Variants in NRCAM observed in about 807,000 individuals in gnomAD.
The protein encoded by NRCAM is neuronal cell adhesion molecule.
A neutral mutation model predicts 156.5 loss-of-function variants in NRCAM; 83 were observed. The observed-to-expected ratio is 0.53, with a 90% confidence interval of 0.44 to 0.64. The LOEUF is 0.64. NRCAM is among the 30% of genes least tolerant of loss of function. NRCAM has a pLI of 0.00. For missense variants in NRCAM, 1,417 were observed against 1,597.3 expected, an observed-to-expected ratio of 0.89 and a Z score of 1.92; for synonymous variants, 538 against 563.9, an observed-to-expected ratio of 0.95 and a Z score of 0.65.
intron 1 of NRCAM, among the ~76,000 whole-genome samples, chr7:108,408,943 TCCA>T (rs1246935287): frequency 6.6e-6 from 1 of 152,072 alleles, no homozygotes; most frequent in Non-Finnish European, 1.5e-5. Context: ...GCCTCCTACC[TCCA>T]CAAGGCATTG....
intron 2 of NRCAM, among the ~76,000 whole-genome samples, chr7:108,336,095 C>A (rs950094951): frequency 6.6e-6 from 1 of 152,114 alleles, no homozygotes; most frequent in Non-Finnish European, 1.5e-5. Context: ...TTCAAGTGAC[C>A]TTTCTTCTAA....
intron 1 of NRCAM, among the ~76,000 whole-genome samples, chr7:108,441,416 C>T (rs536213468): frequency 6.6e-6 from 1 of 152,252 alleles, no homozygotes; most frequent in South Asian, 2.1e-4. Context: ...ATTACATTAC[C>T]TGAATGTGCT....
At chr7:108,424,622 T>C (rs1041379995) in intron 1 of NRCAM, among the ~76,000 whole-genome samples, 1 of 152,214 alleles carries the variant, frequency 6.6e-6, no homozygotes, top group Non-Finnish European at 1.5e-5. Flanking sequence ...GTTAGTCCTA[T>C]CTACACCTGG....
chr7:108,320,334 C>T (rs2098985990), intron 2 of NRCAM, among the ~76,000 whole-genome samples: 1 of 151,986 alleles, frequency 6.6e-6, no homozygotes, highest in Non-Finnish European at 1.5e-5. Context: ...GTGGCATGCA[C>T]CTGTGGTCCC....
chr7:108,444,188 A>C (rs1055766008), intron 1 of NRCAM, among the ~76,000 whole-genome samples: 8 of 152,228 alleles, frequency 5.3e-5, no homozygotes, highest in African/African-American at 1.9e-4. Context: ...TTTTAAGTAT[A>C]TGGAAGGATG....
chr7:108,196,687 T>C (rs1207171279), intron 14 of NRCAM, among the ~76,000 whole-genome samples: 1 of 152,160 alleles, frequency 6.6e-6, no homozygotes, highest in Non-Finnish European at 1.5e-5. Flanking sequence ...GATCTAAGTG[T>C]TGGCAAGAAT....
intron 24 of NRCAM, among the ~76,000 whole-genome samples, chr7:108,180,999 T>C (rs1191986137): frequency 1.3e-5 from 2 of 152,196 alleles, no homozygotes; most frequent in African/African-American, 2.4e-5. Context: ...TAAATCAAAC[T>C]GTATCACTTA....
At chr7:108,301,876 C>G (rs1194138086) in intron 3 of NRCAM, among the ~76,000 whole-genome samples, 1 of 152,082 alleles carries the variant, frequency 6.6e-6, no homozygotes, top group Non-Finnish European at 1.5e-5. Context: ...CAATACATCA[C>G]TTTAGGACAC....
At chr7:108,319,045 T>A (rs1433553791) in intron 2 of NRCAM, among the ~76,000 whole-genome samples, 1 of 152,144 alleles carries the variant, frequency 6.6e-6, no homozygotes, top group Non-Finnish European at 1.5e-5. Context: ...ATGAAAACAT[T>A]TTCTAAGATG....
In NRCAM at chr7:108,180,501, CTG is replaced by C; in HGVS notation, c.2647-76_2647-75del. 4.8e-6 allele frequency: 6 copies of C among 1,243,614 alleles called. No individual in the cohort carries two copies. In the Admixed American group the frequency reaches 6.3e-5, roughly 13 times the overall value. 77.0% of individuals were successfully genotyped at this position (1,243,614 alleles called of 1,614,324 possible). A position where few individuals can be genotyped will look rare whatever the true frequency, so the allele number is the denominator to read the frequency against. On this transcript the variant is annotated intron_variant, in intron 24 of 32. Transcript: ENST00000379028. Reference sequence around the variant, plus strand: ...ATTCCTTATGCTCACAAAATTGAAACTGTTGTTTTTCCAGAAAATTCCGTTGG... The same window carrying C: ...ATTCCTTATGCTCACAAAATTGAAACTTGTTTTTCCAGAAAATTCCGTTGG...
intron 1 of NRCAM, among the ~76,000 whole-genome samples, chr7:108,451,595 T>C (rs1163891879): frequency 6.6e-6 from 1 of 152,176 alleles, no homozygotes; most frequent in East Asian, 1.9e-4. Flanking sequence ...ATGTGGCATA[T>C]ACATACAATG....
intron 1 of NRCAM, among the ~76,000 whole-genome samples, chr7:108,438,399 G>C (rs1207399332): frequency 6.6e-6 from 1 of 151,956 alleles, no homozygotes; most frequent in African/African-American, 2.4e-5. Context: ...TAGAATAAAT[G>C]ACAAAAATCA....
At chr7:108,221,863 T>C (rs906662430) in intron 11 of NRCAM, among the ~76,000 whole-genome samples, 3 of 149,042 alleles carry the variant, frequency 2.0e-5, no homozygotes, top group East Asian at 2.0e-4. Context: ...CAATAACCTA[T>C]GGAAAATAAA....
intron 1 of NRCAM, among the ~76,000 whole-genome samples, chr7:108,404,027 T>C (rs2099800578): frequency 6.6e-6 from 1 of 152,146 alleles, no homozygotes; most frequent in African/African-American, 2.4e-5. Context: ...ACCATTATAG[T>C]CAGGTGCCAC....
At chr7:108,400,470 T>C (rs886391856) in intron 1 of NRCAM, among the ~76,000 whole-genome samples, 1 of 152,166 alleles carries the variant, frequency 6.6e-6, no homozygotes, top group Non-Finnish European at 1.5e-5. Flanking sequence ...AAAGTATCGA[T>C]GGCTGGGCCA....
chr7:108,322,523 G>C (rs2099014589), intron 2 of NRCAM, among the ~76,000 whole-genome samples: 2 of 152,168 alleles, frequency 1.3e-5, no homozygotes, highest in South Asian at 4.1e-4. Context: ...TAGTTACACT[G>C]ATTTTTTGAA....
At chr7:108,205,155 C>T (rs1191024809) in intron 13 of NRCAM, among the ~76,000 whole-genome samples, 1 of 152,130 alleles carries the variant, frequency 6.6e-6, no homozygotes, top group African/African-American at 2.4e-5. Context: ...GGGTTTCCCC[C>T]TCATGAATGA....
chr7:108,258,279 T>C (rs2096760336), intron 3 of NRCAM, among the ~76,000 whole-genome samples: 1 of 152,242 alleles, frequency 6.6e-6, no homozygotes, highest in Non-Finnish European at 1.5e-5. Context: ...CGTGTGGTGC[T>C]TTCTCTTAAT....
chr7:108,154,563 C>T (rs1176885835), intron 32 of NRCAM, among the ~76,000 whole-genome samples: 2 of 152,144 alleles, frequency 1.3e-5, no homozygotes, highest in Non-Finnish European at 2.9e-5. Flanking sequence ...AACAGCAACA[C>T]GGGCTGTGCT....
Sources: allele counts gnomAD v4.1 joint callset (sites outside exome capture counted in the v4.1 genomes callset), GRCh38; gene constraint gnomAD v4.1.1; transcripts MANE v1.5; gene names NCBI Gene and HGNC (gene_info 2026-07-23, HGNC 2026-07-21).